Variants in RPSA2 observed in about 807,000 individuals in gnomAD.
RPSA2 encodes ribosomal protein SA 2.
At chr19:23,827,997 C>A in the RPSA2 span, 3 of 803,400 alleles carry the variant, frequency 3.7e-6, no homozygotes, top group Middle Eastern at 3.5e-4. Context: ...TGGTCTGCAG[C>A]TCCCACTGCT....
chr19:23,812,238 C>A, the RPSA2 span, among the ~76,000 whole-genome samples: 1 of 151,928 alleles, frequency 6.6e-6, no homozygotes, highest in Non-Finnish European at 1.5e-5. Flanking sequence ...TGTTTGTATA[C>A]TTTAAGTTAA....
the RPSA2 span, among the ~76,000 whole-genome samples, chr19:23,806,001 G>GTCTGTCAATCTATCTATCTA: frequency 2.9e-4 from 39 of 132,788 alleles, no homozygotes; most frequent in African/African-American, 1.0e-3. Context: ...CTATCTGTCT[G>GTCTGTCAATCTATCTATCTA]TCTATCTATC....
chr19:23,764,663 A>G, the RPSA2 span, among the ~76,000 whole-genome samples: 1 of 152,100 alleles, frequency 6.6e-6, no homozygotes, highest in African/African-American at 2.4e-5. Context: ...TATTTTGAGT[A>G]GAGAGTGGGT....
the RPSA2 span, among the ~76,000 whole-genome samples, chr19:23,842,216 C>T: frequency 7.2e-5 from 11 of 152,188 alleles, no homozygotes; most frequent in East Asian, 1.9e-4. Flanking sequence ...GTTACTGTGA[C>T]TTCTCCATGT....
chr19:23,777,666 GA>G, the RPSA2 span, among the ~76,000 whole-genome samples: 1 of 152,074 alleles, frequency 6.6e-6, no homozygotes, highest in South Asian at 2.1e-4. Flanking sequence ...TTCCCACAGA[GA>G]AGATTGTGAC....
chr19:23,847,746 G>T, the RPSA2 span, among the ~76,000 whole-genome samples: 4 of 152,124 alleles, frequency 2.6e-5, no homozygotes, highest in African/African-American at 7.2e-5. Context: ...AGACCAGGGC[G>T]TATCTCAGTA....
At chr19:23,836,675 T>A in the RPSA2 span, among the ~76,000 whole-genome samples, 1 of 152,324 alleles carries the variant, frequency 6.6e-6, no homozygotes, top group African/African-American at 2.4e-5. Flanking sequence ...CATGCCAACA[T>A]CTACAGTTTT....
chr19:23,832,905 C>T, the RPSA2 span: 1 of 1,553,562 alleles, frequency 6.4e-7, no homozygotes, highest in Non-Finnish European at 8.7e-7. Context: ...AGGAACGTGG[C>T]AAATCTTTTA....
the RPSA2 span, among the ~76,000 whole-genome samples, chr19:23,762,785 C>T: frequency 6.6e-6 from 1 of 152,168 alleles, no homozygotes; most frequent in Non-Finnish European, 1.5e-5. Context: ...CATGTCTCAG[C>T]TTACTTCTTA....
At chr19:23,854,334 T>A in the RPSA2 span, among the ~76,000 whole-genome samples, 1 of 152,198 alleles carries the variant, frequency 6.6e-6, no homozygotes, top group Non-Finnish European at 1.5e-5. Flanking sequence ...TTTAGAGGAA[T>A]GGTACTACAG....
chr19:23,864,507 C>T, the RPSA2 span, among the ~76,000 whole-genome samples: 1 of 152,060 alleles, frequency 6.6e-6, no homozygotes, highest in Non-Finnish European at 1.5e-5. Context: ...AGTGCAAATA[C>T]ACAAATATTT....
At chr19:23,764,204 C>G in the RPSA2 span, among the ~76,000 whole-genome samples, 1 of 152,090 alleles carries the variant, frequency 6.6e-6, no homozygotes, top group Non-Finnish European at 1.5e-5. Flanking sequence ...ACTGGTTTTC[C>G]TCTGTGACTT....
the RPSA2 span, among the ~76,000 whole-genome samples, chr19:23,814,538 T>G: frequency 6.6e-6 from 1 of 152,210 alleles, no homozygotes; most frequent in Admixed American, 6.5e-5. Flanking sequence ...GCACCTTTGT[T>G]CTTTTTCATG....
the RPSA2 span, among the ~76,000 whole-genome samples, chr19:23,807,103 TC>T: frequency 6.6e-6 from 1 of 152,192 alleles, no homozygotes; most frequent in African/African-American, 2.4e-5. Context: ...AGGTTTTTTT[TC>T]CTCTTCATCA....
At chr19:23,761,927 T>TCTTTCTCTCTCTCTCTC in the RPSA2 span, among the ~76,000 whole-genome samples, 3 of 62,354 alleles carry the variant, frequency 4.8e-5, no homozygotes, top group African/African-American at 1.4e-4. Context: ...TTTCTTTTTT[T>TCTTTCTCTCTCTCTCTC]TTTTTTTTGA....
At chr19:23,837,821 G>T in the RPSA2 span, among the ~76,000 whole-genome samples, 1 of 152,138 alleles carries the variant, frequency 6.6e-6, no homozygotes, top group African/African-American at 2.4e-5. Flanking sequence ...AAACTTTTCT[G>T]AATTTTGTCA....
chr19:23,869,471 C>T, the RPSA2 span, among the ~76,000 whole-genome samples: 1 of 152,150 alleles, frequency 6.6e-6, no homozygotes, highest in Non-Finnish European at 1.5e-5. Flanking sequence ...TCTGACCTCT[C>T]TCCATTGACC....
At chr19:23,843,205 G>T in the RPSA2 span, 2 of 252,180 alleles carry the variant, frequency 7.9e-6, no homozygotes, top group South Asian at 9.2e-5. Context: ...TACCTGATCT[G>T]ATCTCCTGCC....
At chr19:23,761,927 T>TCTTTCCTTCCTTCC in the RPSA2 span, among the ~76,000 whole-genome samples, 1 of 62,356 alleles carries the variant, frequency 1.6e-5, no homozygotes, top group African/African-American at 7.1e-5. Context: ...TTTCTTTTTT[T>TCTTTCCTTCCTTCC]TTTTTTTTGA....
Sources: allele counts gnomAD v4.1 joint callset (sites outside exome capture counted in the v4.1 genomes callset), GRCh38; gene constraint gnomAD v4.1.1; transcripts MANE v1.5; gene names NCBI Gene and HGNC (gene_info 2026-07-23, HGNC 2026-07-21).